The following CYYR1 variants were observed in gnomAD, a reference collection of about 807,000 sequenced individuals.
The protein encoded by CYYR1 is cysteine and tyrosine-rich protein 1.
CYYR1 carries 14 observed loss-of-function variants against 15.2 expected under a neutral mutation model. The observed-to-expected ratio is 0.92, with a 90% CI of 0.61 to 1.44. The LOEUF (loss-of-function observed/expected upper bound fraction) is 1.44. Among genes scored for constraint, CYYR1 ranks in the 40% most tolerant of loss-of-function variants. The pLI is 0.00. For synonymous variants in CYYR1, 80 were observed against 77.4 expected, an observed-to-expected ratio of 1.03 and a Z score of -0.18; for missense variants, 228 against 209.5, an observed-to-expected ratio of 1.09 and a Z score of -0.54.
intron 2 of CYYR1, among the ~76,000 whole-genome samples, chr21:26,521,086 T>G (rs1350249285): frequency 2.0e-5 from 3 of 152,160 alleles, no homozygotes; most frequent in African/African-American, 7.2e-5. Flanking sequence ...ATGCGGGGCT[T>G]ACTACCTAGG....
intron 2 of CYYR1, among the ~76,000 whole-genome samples, chr21:26,534,749 C>T (rs2065974484): frequency 2.0e-5 from 3 of 152,042 alleles, no homozygotes; most frequent in Admixed American, 2.0e-4. Context: ...GAATATTGCA[C>T]CATATTTTCT....
intron 3 of CYYR1, among the ~76,000 whole-genome samples, chr21:26,476,589 T>C (rs1418414902): frequency 9.2e-6 from 1 of 108,604 alleles, no homozygotes; most frequent in East Asian, 2.3e-4. Context: ...ATCTATCATC[T>C]ATCTATCTAT....
chr21:26,558,005 C>A (rs1979920801), intron 2 of CYYR1, among the ~76,000 whole-genome samples: 1 of 152,194 alleles, frequency 6.6e-6, no homozygotes, highest in South Asian at 2.1e-4. Context: ...TCCCATCAGT[C>A]CTCAAGTACT....
chr21:26,570,410 T>C (rs1161554971), intron 1 of CYYR1, among the ~76,000 whole-genome samples: 2 of 152,132 alleles, frequency 1.3e-5, no homozygotes, highest in Non-Finnish European at 2.9e-5. Context: ...TTGCAAGCTA[T>C]AGCTAAGATA....
intron 2 of CYYR1, among the ~76,000 whole-genome samples, chr21:26,486,219 C>T (rs1569143247): frequency 6.6e-6 from 1 of 152,066 alleles, no homozygotes; most frequent in Non-Finnish European, 1.5e-5. Flanking sequence ...GTCTGTAGCA[C>T]ATCTTTTCAT....
In CYYR1 at chr21:26,520,111, G is replaced by GATATATATATATATATATATAT. The variant is rs1491365888; in HGVS notation, c.177-39683_177-39682insATATATATATATATATATATAT. ...TTTCTTCTTCTAAAAAAAAACCCAGGAGATATATATATATATATATATATA... is the reference window on the plus strand; with the variant it reads ...TTTCTTCTTCTAAAAAAAAACCCAGGATATATATATATATATATATATAGATATATATATATATATATATATA... On this transcript the variant is annotated intron_variant, in intron 2 of 3. Coordinates refer to ENST00000652641, the MANE Select transcript of CYYR1 (RefSeq NM_001320768.2). Among the ~76,000 whole-genome samples, 417 of 82,918 alleles carry GATATATATATATATATATATAT rather than the reference G, an allele frequency of 5.0e-3. 27 individuals are homozygous for GATATATATATATATATATATAT. Among genetic ancestry groups the GATATATATATATATATATATAT allele is most frequent in the African/African-American group, 6.5e-3 (123 of 18,992 alleles). The allele number at this position is 82,918 out of a possible 152,430, so 54.4% of individuals were successfully genotyped here. A position where few individuals can be genotyped will look rare whatever the true frequency, so the allele number is the denominator to read the frequency against.
In CYYR1 at chr21:26,516,293, T is replaced by C. The variant is rs77578325; in HGVS notation, c.177-35864A>G. Reference sequence around the variant, plus strand: ...GCCCTTTGAAAGCCAACTTGAACTGTAGGGCAAAATGTATTTAGCACATTT... The same window carrying C: ...GCCCTTTGAAAGCCAACTTGAACTGCAGGGCAAAATGTATTTAGCACATTT... On this transcript the variant is annotated intron_variant, in intron 2 of 3. Coordinates refer to ENST00000652641, the MANE Select transcript of CYYR1 (RefSeq NM_001320768.2). Among the ~76,000 whole-genome samples the C allele has an allele frequency of 3.8e-4, 58 of 152,356 alleles. No homozygotes were observed. In the East Asian group the frequency reaches 0.011, roughly 29 times the overall value.
intron 2 of CYYR1, among the ~76,000 whole-genome samples, chr21:26,510,391 T>G (rs1290498811): frequency 6.6e-6 from 1 of 152,216 alleles, no homozygotes; most frequent in Non-Finnish European, 1.5e-5. Context: ...GGGAGCTGTT[T>G]ATGTATCAGC....
intron 2 of CYYR1, among the ~76,000 whole-genome samples, chr21:26,555,545 A>G (rs1267943812): frequency 6.6e-6 from 1 of 152,154 alleles, no homozygotes; most frequent in African/African-American, 2.4e-5. Context: ...AAAGGCATAA[A>G]TTGTTTTTTA....
At chr21:26,532,898 A>T (rs983186204) in intron 2 of CYYR1, among the ~76,000 whole-genome samples, 4 of 152,298 alleles carry the variant, frequency 2.6e-5, no homozygotes, top group Admixed American at 1.3e-4. Flanking sequence ...TTATTAAAAA[A>T]TGTCGTATAA....
At chr21:26,565,427 A>C (rs1246572784) in intron 2 of CYYR1, among the ~76,000 whole-genome samples, 1 of 152,194 alleles carries the variant, frequency 6.6e-6, no homozygotes, top group Non-Finnish European at 1.5e-5. Context: ...CAAGAACAGA[A>C]GACAGAGGCA....
At chr21:26,522,967 C>T (rs921129907) in intron 2 of CYYR1, among the ~76,000 whole-genome samples, 4 of 152,154 alleles carry the variant, frequency 2.6e-5, no homozygotes, top group African/African-American at 9.7e-5. Flanking sequence ...GAAGGGAAGT[C>T]TGGACTTCGT....
chr21:26,537,459 C>A (rs1444142005), intron 2 of CYYR1, among the ~76,000 whole-genome samples: 1 of 152,126 alleles, frequency 6.6e-6, no homozygotes, highest in Non-Finnish European at 1.5e-5. Flanking sequence ...ACCTGTTGCT[C>A]AAGTTTTATG....
At chr21:26,497,831 T>G (rs1601754209) in intron 2 of CYYR1, among the ~76,000 whole-genome samples, 1 of 152,312 alleles carries the variant, frequency 6.6e-6, no homozygotes, top group Admixed American at 6.5e-5. Context: ...ATGCACATTC[T>G]TTTCTACATT....
chr21:26,500,787 G>A (rs2065471404), intron 2 of CYYR1, among the ~76,000 whole-genome samples: 1 of 152,146 alleles, frequency 6.6e-6, no homozygotes, highest in Admixed American at 6.6e-5. Flanking sequence ...ATGGGGATAA[G>A]CCTTGCATGA....
rs780556463 is a variant in CYYR1, at chr21:26,468,508, C to T, written c.461G>A (p.Arg154Lys). The T allele has an allele frequency of 9.5e-6, 15 of 1,570,794 alleles. No individual in the cohort carries two copies. The highest frequency in any genetic ancestry group is 1.2e-5 in the Non-Finnish European group (14 of 1,140,724). Residue 154 changes from arginine (R) to lysine (K), a missense_variant, in exon 4 of 4, where the codon AGG becomes AAG. Arg to Lys is a conservative substitution (Grantham distance 26, BLOSUM62 2). Coordinates refer to ENST00000652641, the MANE Select transcript of CYYR1 (RefSeq NM_001320768.2). Reference protein sequence around the residue: ...SPPPPYPGNARK With the variant: ...SPPPPYPGNAKK ...TCTGTTCTGGGAGATAGATTATTTC[C>T]TTGCGTTTCCAGGATAAGGAGGGGG...
intron 1 of CYYR1, among the ~76,000 whole-genome samples, chr21:26,571,525 C>G (rs1038396815): frequency 4.6e-5 from 7 of 152,116 alleles, no homozygotes; most frequent in Admixed American, 3.9e-4. Context: ...AATAAACAAA[C>G]AAACAAACAA....
intron 2 of CYYR1, among the ~76,000 whole-genome samples, chr21:26,490,557 C>G (rs1394995541): frequency 1.3e-5 from 2 of 152,072 alleles, no homozygotes; most frequent in Admixed American, 1.3e-4. Context: ...ATATAATACA[C>G]TAGAGAGAAT....
chr21:26,526,114 A>C (rs2065861668), intron 2 of CYYR1, among the ~76,000 whole-genome samples: 1 of 152,104 alleles, frequency 6.6e-6, no homozygotes. Context: ...CCCCCACGAC[A>C]CAAGTTTACT....
Sources: gnomAD v4.1 joint callset for allele counts (sites outside exome capture counted in the v4.1 genomes callset) on GRCh38, gnomAD v4.1.1 for gene constraint, MANE v1.5 for transcripts, NCBI Gene and HGNC (gene_info 2026-07-23, HGNC 2026-07-21) for gene names.